The following DPYD variants were observed in gnomAD, a reference collection of about 807,000 sequenced individuals.
DPYD encodes the protein dihydropyrimidine dehydrogenase [NADP(+)].
Under a neutral mutation model 116.2 loss-of-function variants are expected in DPYD, and 109 were observed. That is an observed-to-expected ratio of 0.94 (90% CI 0.80 to 1.10). DPYD has a LOEUF of 1.10. Ranked by LOEUF, DPYD falls within the 50% of genes least tolerant of loss-of-function variation. DPYD has a pLI of 0.00. For synonymous variants in DPYD, 440 were observed against 432.0 expected (o/e 1.02, Z -0.23); for missense variants, 1,302 against 1,254.5 (o/e 1.04, Z -0.57).
intron 3 of DPYD, among the ~76,000 whole-genome samples, chr1:97,796,062 C>A (rs570019031): frequency 6.6e-6 from 1 of 151,946 alleles, no homozygotes; most frequent in South Asian, 2.1e-4. Context: ...CTCTTTTCAT[C>A]CACATACCAA....
At position 97,477,011 on chromosome 1, in the gene DPYD, A is replaced by C. The variant is rs373128428; in HGVS notation, c.1741-26788T>G. ...AGAGTCAAAACCTTTCTGCTGGTGG[A>C]AAGTCTGGCTTTGATGTTGCTGGCT... On this transcript the variant is annotated intron_variant, in intron 13 of 22. Transcript: ENST00000370192. 1.1e-4 allele frequency among the ~76,000 whole-genome samples: 16 copies of C among 152,326 alleles called. No homozygotes were observed. In the East Asian group the frequency reaches 1.5e-3, roughly 15 times the overall value.
intron 2 of DPYD, among the ~76,000 whole-genome samples, chr1:97,857,260 T>A (rs1021687974): frequency 2.0e-5 from 3 of 152,192 alleles, no homozygotes; most frequent in Non-Finnish European, 4.4e-5. Context: ...TTCCTAGCTA[T>A]CATGGAGTAT....
chr1:97,563,817 C>T (rs1449315154), intron 11 of DPYD, among the ~76,000 whole-genome samples: 3 of 152,136 alleles, frequency 2.0e-5, no homozygotes, highest in African/African-American at 7.2e-5. Flanking sequence ...ATCCTCATCA[C>T]CTCCACCCTT....
chr1:97,358,267 T>C (rs1670525539), intron 16 of DPYD, among the ~76,000 whole-genome samples: 1 of 152,154 alleles, frequency 6.6e-6, no homozygotes, highest in Non-Finnish European at 1.5e-5. Context: ...CTGCCATTGC[T>C]GAGGCTTGAA....
At chr1:97,484,302 TCAAAAACAAAAA>T (rs765836822) in intron 13 of DPYD, among the ~76,000 whole-genome samples, 1 of 152,162 alleles carries the variant, frequency 6.6e-6, no homozygotes, top group Non-Finnish European at 1.5e-5. Context: ...AGACTCCATC[TCAAAAACAAAAA>T]CAAAAACAAA....
At chr1:97,475,686 C>A (rs867579531) in intron 13 of DPYD, among the ~76,000 whole-genome samples, 1 of 152,234 alleles carries the variant, frequency 6.6e-6, no homozygotes, top group Middle Eastern at 3.4e-3. Context: ...ACAATATAAA[C>A]CAATGGGTAT....
intron 18 of DPYD, among the ~76,000 whole-genome samples, chr1:97,252,608 A>T (rs1468763026): frequency 6.6e-6 from 1 of 152,178 alleles, no homozygotes; most frequent in Non-Finnish European, 1.5e-5. Flanking sequence ...CATGGTTTCC[A>T]TGCCTTGAGG....
chr1:97,240,102 C>A (rs1662228020), intron 18 of DPYD, among the ~76,000 whole-genome samples: 1 of 151,962 alleles, frequency 6.6e-6, no homozygotes, highest in African/African-American at 2.4e-5. Context: ...TCCTCTGAAA[C>A]CTTAAGAGGA....
intron 3 of DPYD, among the ~76,000 whole-genome samples, chr1:97,778,190 G>GAA (rs1394353520): frequency 0.029 from 2,423 of 82,732 alleles, 51 homozygotes; most frequent in East Asian, 0.082. Context: ...AAGAAAGAAA[G>GAA]AGAGAGAGAG....
intron 13 of DPYD, among the ~76,000 whole-genome samples, chr1:97,479,222 T>A (rs987022479): frequency 1.3e-5 from 2 of 152,224 alleles, no homozygotes; most frequent in African/African-American, 4.8e-5. Context: ...TTTCAGCCCA[T>A]ATCGGTTTTC....
At chr1:97,840,822 T>C (rs1418637755) in intron 2 of DPYD, among the ~76,000 whole-genome samples, 1 of 152,128 alleles carries the variant, frequency 6.6e-6, no homozygotes, top group Non-Finnish European at 1.5e-5. Flanking sequence ...TCAATAGGTT[T>C]ATTTCAGTGA....
At chr1:97,340,953 G>T (rs981550069) in intron 16 of DPYD, among the ~76,000 whole-genome samples, 1 of 152,094 alleles carries the variant, frequency 6.6e-6, no homozygotes, top group African/African-American at 2.4e-5. Flanking sequence ...TGGGTTCTTT[G>T]ACTAGAATTT....
chr1:97,679,272 C>A, intron 7 of DPYD, 90 bp from the exon 8 acceptor site: 1 of 693,454 alleles, frequency 1.4e-6, no homozygotes, highest in Non-Finnish European at 2.5e-6. Flanking sequence ...AAAAGTCAGC[C>A]AAAAATTCTA....
chr1:97,078,602 G>T lies in DPYD; in HGVS notation c.*374C>A. The T allele has an allele frequency of 3.9e-6, 1 of 257,424 alleles. No homozygotes were observed. Among genetic ancestry groups the T allele is most frequent in the South Asian group, 4.6e-5 (1 of 21,664 alleles). 15.9% of individuals were successfully genotyped at this position (257,424 alleles called of 1,614,324 possible). ...GTTAAAGAGTACTTTGTTTCAAAAT[G>T]CTTAATTTCACTTACAATTAGAAAT... On this transcript the variant is annotated 3_prime_UTR_variant, in exon 23 of 23. Transcript: ENST00000370192.
At chr1:97,719,012 G>C (rs1351663786) in intron 5 of DPYD, among the ~76,000 whole-genome samples, 1 of 151,308 alleles carries the variant, frequency 6.6e-6, no homozygotes, top group African/African-American at 2.4e-5. Context: ...GGGAAAAAAA[G>C]TGCCTCCTAG....
At chr1:97,445,531 G>A (rs1676027493) in intron 14 of DPYD, among the ~76,000 whole-genome samples, 1 of 151,892 alleles carries the variant, frequency 6.6e-6, no homozygotes, top group African/African-American at 2.4e-5. Context: ...AGATGTTAAG[G>A]TCCCTTCATG....
At chr1:97,306,532 A>G (rs1342945800) in intron 16 of DPYD, among the ~76,000 whole-genome samples, 1 of 151,952 alleles carries the variant, frequency 6.6e-6, no homozygotes, top group East Asian at 1.9e-4. Context: ...TCCTCAACAG[A>G]GCCTTTAGAA....
chr1:97,337,585 T>C (rs1669364487), intron 16 of DPYD, among the ~76,000 whole-genome samples: 1 of 151,958 alleles, frequency 6.6e-6, no homozygotes, highest in South Asian at 2.1e-4. Flanking sequence ...TCTTAGCTGA[T>C]GGCTGACCTC....
chr1:97,290,581 A>G (rs907469107), intron 18 of DPYD, among the ~76,000 whole-genome samples: 3 of 152,086 alleles, frequency 2.0e-5, no homozygotes, highest in African/African-American at 7.2e-5. Flanking sequence ...AACAAGAAAT[A>G]GGGAAAGGAT....
Sources: gnomAD v4.1 joint callset for allele counts (sites outside exome capture counted in the v4.1 genomes callset) on GRCh38, gnomAD v4.1.1 for gene constraint, MANE v1.5 for transcripts, NCBI Gene and HGNC (gene_info 2026-07-23, HGNC 2026-07-21) for gene names.